DNAJC1: variants seen among roughly 807,000 people sequenced by gnomAD.
The protein encoded by DNAJC1 is dnaJ homolog subfamily C member 1.
A neutral mutation model predicts 76.6 loss-of-function variants in DNAJC1; 58 were observed. The observed-to-expected ratio is 0.76, with a 90% CI of 0.61 to 0.94. The LOEUF is 0.94. Ranked by LOEUF, DNAJC1 falls within the 40% of genes least tolerant of loss-of-function variation. DNAJC1 has a pLI of 0.00. For missense variants in DNAJC1, 689 were observed against 677.3 expected, an observed-to-expected ratio of 1.02 and a Z score of -0.19; for synonymous variants, 258 against 267.9, an observed-to-expected ratio of 0.96 and a Z score of 0.36.
intron 8 of DNAJC1, among the ~76,000 whole-genome samples, chr10:21,851,088 C>T (rs1835744447): frequency 6.6e-6 from 1 of 152,126 alleles, no homozygotes; most frequent in African/African-American, 2.4e-5. Context: ...AAAATTCACG[C>T]TCTTGGATTT....
chr10:21,889,266 C>G (rs919503603), intron 7 of DNAJC1, among the ~76,000 whole-genome samples: 18 of 152,134 alleles, frequency 1.2e-4, no homozygotes. Context: ...TGAGAACTCA[C>G]TGTCTCAAGA....
chr10:21,790,327 T>C (rs540054051), intron 9 of DNAJC1, among the ~76,000 whole-genome samples: 2 of 151,880 alleles, frequency 1.3e-5, no homozygotes, highest in African/African-American at 4.8e-5. Flanking sequence ...CCCAAATAGA[T>C]TCAACTCAAA....
chr10:21,981,349 C>T (rs1373577981), intron 1 of DNAJC1, among the ~76,000 whole-genome samples: 4 of 151,988 alleles, frequency 2.6e-5, no homozygotes, highest in South Asian at 2.1e-4. Flanking sequence ...ATACCATTTG[C>T]GGTGTACTAT....
intron 7 of DNAJC1, among the ~76,000 whole-genome samples, chr10:21,891,891 T>C (rs1836468827): frequency 6.6e-6 from 1 of 150,478 alleles, no homozygotes; most frequent in African/African-American, 2.4e-5. Context: ...GACAAAAGAG[T>C]AAAAATATGA....
chr10:21,831,425 C>T (rs906818888), intron 8 of DNAJC1, among the ~76,000 whole-genome samples: 1 of 152,104 alleles, frequency 6.6e-6, no homozygotes, highest in South Asian at 2.1e-4. Flanking sequence ...GTTACTGGTA[C>T]CAAAACTAGA....
At chr10:21,892,508 CTAACA>C (rs1836476896) in intron 7 of DNAJC1, among the ~76,000 whole-genome samples, 2 of 151,678 alleles carry the variant, frequency 1.3e-5, no homozygotes, top group Admixed American at 6.6e-5. Context: ...AACTTAAGCC[CTAACA>C]TATCAATCAC....
chr10:21,998,917 A>G (rs1270775988), intron 1 of DNAJC1, among the ~76,000 whole-genome samples: 2 of 152,204 alleles, frequency 1.3e-5, no homozygotes, highest in African/African-American at 2.4e-5. Context: ...TACTATGAAG[A>G]AAATAAAAAG....
At chr10:21,950,177 C>T (rs1365150294) in intron 1 of DNAJC1, among the ~76,000 whole-genome samples, 1 of 152,054 alleles carries the variant, frequency 6.6e-6, no homozygotes, top group African/African-American at 2.4e-5. Flanking sequence ...TTGTGGCAAT[C>T]CTGAGCCAAT....
intron 8 of DNAJC1, among the ~76,000 whole-genome samples, chr10:21,881,076 C>G (rs1836267972): frequency 6.6e-6 from 1 of 152,184 alleles, no homozygotes; most frequent in African/African-American, 2.4e-5. Context: ...TTTCCTTAAG[C>G]CTAATGAACC....
At chr10:21,781,105 G>C (rs1834522488) in intron 9 of DNAJC1, among the ~76,000 whole-genome samples, 1 of 152,174 alleles carries the variant, frequency 6.6e-6, no homozygotes, top group Admixed American at 6.5e-5. Flanking sequence ...CAAGTACTTA[G>C]AGACATACAA....
At chr10:21,825,262 C>G (rs991504159) in intron 8 of DNAJC1, among the ~76,000 whole-genome samples, 10 of 152,328 alleles carry the variant, frequency 6.6e-5, no homozygotes, top group South Asian at 2.1e-4. Flanking sequence ...TGCATTGTGT[C>G]TCTACAGATT....
intron 8 of DNAJC1, among the ~76,000 whole-genome samples, chr10:21,854,369 AACT>A (rs1019113498): frequency 2.0e-5 from 3 of 150,924 alleles, no homozygotes; most frequent in African/African-American, 2.4e-5. Flanking sequence ...AAAAAAAAAA[AACT>A]GTTTCTCCAT....
chr10:21,906,293 C>G (rs1461991844), intron 6 of DNAJC1, among the ~76,000 whole-genome samples: 1 of 152,020 alleles, frequency 6.6e-6, no homozygotes, highest in Non-Finnish European at 1.5e-5. Context: ...CTCCCATGCC[C>G]ATATATAGTT....
intron 10 of DNAJC1, among the ~76,000 whole-genome samples, chr10:21,762,934 G>GT (rs753354641): frequency 6.6e-5 from 10 of 151,838 alleles, no homozygotes; most frequent in East Asian, 1.9e-4. Context: ...CATCGACTTT[G>GT]TTTTTTTTGT....
At chr10:21,763,593 G>A (rs948261388) in intron 10 of DNAJC1, among the ~76,000 whole-genome samples, 10 of 133,918 alleles carry the variant, frequency 7.5e-5, no homozygotes, top group East Asian at 2.2e-4. Flanking sequence ...TAGACCCTAC[G>A]CCAAGAATTT....
intron 10 of DNAJC1, among the ~76,000 whole-genome samples, chr10:21,760,251 T>G (rs1031357229): frequency 6.6e-6 from 1 of 152,172 alleles, no homozygotes; most frequent in African/African-American, 2.4e-5. Context: ...CCACTGTGCT[T>G]CAGCCCGGGC....
At chr10:21,758,152 T>C (rs1460932012) in intron 11 of DNAJC1, among the ~76,000 whole-genome samples, 1 of 152,166 alleles carries the variant, frequency 6.6e-6, no homozygotes, top group Non-Finnish European at 1.5e-5. Flanking sequence ...AAACTACACC[T>C]GTACACTCAG....
chr10:21,930,450 A>G (rs535197524), intron 1 of DNAJC1, among the ~76,000 whole-genome samples: 1 of 152,350 alleles, frequency 6.6e-6, no homozygotes, highest in African/African-American at 2.4e-5. Context: ...CCAAACCAAC[A>G]CAAAAAATCT....
intron 8 of DNAJC1, among the ~76,000 whole-genome samples, chr10:21,816,841 G>A (rs553689027): frequency 6.5e-5 from 9 of 137,928 alleles, no homozygotes; most frequent in African/African-American, 1.9e-4. Context: ...CACCACGCCC[G>A]GCCGAGACTC....
Sources: allele counts gnomAD v4.1 joint callset (sites outside exome capture counted in the v4.1 genomes callset), GRCh38; gene constraint gnomAD v4.1.1; transcripts MANE v1.5; gene names NCBI Gene and HGNC (gene_info 2026-07-23, HGNC 2026-07-21).